Variants in PIK3CA observed in about 807,000 individuals in gnomAD.
The protein encoded by PIK3CA is phosphatidylinositol 4,5-bisphosphate 3-kinase catalytic subunit alpha isoform.
Under a neutral mutation model 138.2 loss-of-function variants are expected in PIK3CA, and 27 were observed. The ratio of observed to expected loss-of-function variants is 0.20; its 90% CI spans 0.14 to 0.27. PIK3CA has a LOEUF of 0.27. PIK3CA is among the 10% of genes least tolerant of loss of function. PIK3CA has a pLI of 1.00. For missense variants in PIK3CA, 544 were observed against 1,277.4 expected, an observed-to-expected ratio of 0.43 and a Z score of 8.75; for synonymous variants, 358 against 413.2, an observed-to-expected ratio of 0.87 and a Z score of 1.62.
intron 1 of PIK3CA, among the ~76,000 whole-genome samples, chr3:179,156,030 G>A (rs573468110): frequency 2.4e-4 from 36 of 152,238 alleles, no homozygotes; most frequent in African/African-American, 8.4e-4. Context: ...GTTAAAGCCT[G>A]TTTTTTTATT....
chr3:179,235,807 TTTATTAAA>T lies in PIK3CA; in HGVS notation c.*1445_*1452del, dbSNP rs1725322639. ...AAGTAGTCAGAGCTCACTCTCCAAC[TTTATTAAA>T]TACTATTTGAGCACAGGACACATTC... On this transcript the variant is annotated 3_prime_UTR_variant, in exon 21 of 21. Coordinates refer to ENST00000263967, the MANE Select transcript of PIK3CA (RefSeq NM_006218.4). 4.7e-6 allele frequency: 1 copy of T among 213,468 alleles called. No homozygotes were observed. 13.2% of individuals were successfully genotyped at this position (213,468 alleles called of 1,614,324 possible). A position where few individuals can be genotyped will look rare whatever the true frequency, so the allele number is the denominator to read the frequency against.
In PIK3CA at chr3:179,220,666, G is replaced by T. The variant is rs1225052217; in HGVS notation, c.2016-320G>T. 6.6e-6 allele frequency among the ~76,000 whole-genome samples: 1 copy of T among 152,052 alleles called. No individual in the cohort carries two copies. The highest frequency in any genetic ancestry group is 1.9e-4 in the East Asian group (1 of 5,198). On this transcript the variant is annotated intron_variant, in intron 13 of 20. Coordinates refer to ENST00000263967, the MANE Select transcript of PIK3CA (RefSeq NM_006218.4). The surrounding 1 kb of genome is among the most constrained non-coding windows in gnomAD (Gnocchi z 4.1). The stretch of plus-strand genomic sequence containing the variant: ...TCAAACAGCATTCACTGAGCGCTTT[G>T]TTCCCTCCCTCTTCATTTGATTATT...
chr3:179,178,120 T>G (rs904257338), intron 1 of PIK3CA, among the ~76,000 whole-genome samples: 7 of 50,552 alleles, frequency 1.4e-4, no homozygotes, highest in Admixed American at 3.7e-4. Flanking sequence ...TTTTTTTGTG[T>G]TTTTTTTTTT....
chr3:179,203,867 G>C (rs1576934860), intron 5 of PIK3CA, 78 bp downstream of exon 5: 2 of 1,001,712 alleles, frequency 2.0e-6, no homozygotes, highest in Admixed American at 4.7e-5. Context: ...ACAGTAATCT[G>C]TTGACCTGTA....
At position 179,220,350 on chromosome 3, in the gene PIK3CA, G is replaced by A. The variant is rs1229697401; in HGVS notation, c.2015+298G>A. Among the ~76,000 whole-genome samples, 1 of 152,060 alleles carries A rather than the reference G, an allele frequency of 6.6e-6. No individual in the cohort carries two copies. The highest frequency in any genetic ancestry group is 1.5e-5 in the Non-Finnish European group (1 of 67,984). ...GATGAATATTGCTGTAGGTTTCACT[G>A]TGTGTATGGATTACAATATCCCCAA... On this transcript the variant is annotated intron_variant, in intron 13 of 20. Coordinates refer to ENST00000263967, the MANE Select transcript of PIK3CA (RefSeq NM_006218.4). This position sits in a 1 kb window ranked among gnomAD's most constrained non-coding sequence, Gnocchi z 4.1.
intron 14 of PIK3CA, among the ~76,000 whole-genome samples, 193 bp from the exon 15 acceptor site, chr3:179,223,888 G>C (rs1157537665): frequency 1.3e-5 from 2 of 152,194 alleles, no homozygotes; most frequent in Non-Finnish European, 2.9e-5. Context: ...ACACAGTGCT[G>C]CCAGTCTTGC....
At chr3:179,166,235 G>T (rs1723416444) in intron 1 of PIK3CA, among the ~76,000 whole-genome samples, 1 of 152,166 alleles carries the variant, frequency 6.6e-6, no homozygotes, top group Non-Finnish European at 1.5e-5. Flanking sequence ...CAGCTTGTAA[G>T]CGTAGGCTCA....
chr3:179,161,404 A>G (rs964367938), intron 1 of PIK3CA, among the ~76,000 whole-genome samples: 2 of 152,196 alleles, frequency 1.3e-5, no homozygotes, highest in African/African-American at 2.4e-5. Flanking sequence ...AGAAACATAA[A>G]TAACAGGAAG....
intron 1 of PIK3CA, among the ~76,000 whole-genome samples, chr3:179,153,825 TG>T (rs11302696): frequency 0.93 from 142,246 of 152,276 alleles, 66,594 homozygotes; most frequent in East Asian, 1. Context: ...AAACTGTGGA[TG>T]GGGGAAACTG....
At chr3:179,180,093 T>C (rs1378728923) in intron 1 of PIK3CA, among the ~76,000 whole-genome samples, 1 of 152,094 alleles carries the variant, frequency 6.6e-6, no homozygotes, top group East Asian at 1.9e-4. Flanking sequence ...TATTGCATAG[T>C]TACTAGAGAT....
Position 179,235,479 on chromosome 3 carries a change from A to G in PIK3CA, c.*1115A>G, listed in dbSNP as rs1725316265. The G allele has an allele frequency of 5.2e-6, 1 of 190,692 alleles. No individual in the cohort carries two copies. The highest frequency in any genetic ancestry group is 8.3e-5 in the East Asian group (1 of 12,036). 11.8% of individuals were successfully genotyped at this position (190,692 alleles called of 1,614,324 possible). ...CACTATCCCATTTATACCAATAACC[A>G]GTGTATAACTACTTAAGGAAAACAT... On this transcript the variant is annotated 3_prime_UTR_variant, in exon 21 of 21. Coordinates refer to ENST00000263967, the MANE Select transcript of PIK3CA (RefSeq NM_006218.4).
At chr3:179,202,405 G>A (rs1224502827) in intron 4 of PIK3CA, among the ~76,000 whole-genome samples, 1 of 152,144 alleles carries the variant, frequency 6.6e-6, no homozygotes, top group Non-Finnish European at 1.5e-5. Flanking sequence ...ACCAGTGGCT[G>A]TGGAATGGAA....
intron 1 of PIK3CA, among the ~76,000 whole-genome samples, chr3:179,152,195 G>A (rs1021941230): frequency 2.0e-5 from 3 of 152,096 alleles, no homozygotes; most frequent in Admixed American, 6.5e-5. Context: ...AATTTCATTT[G>A]GGGACAGTTG....
chr3:179,222,002 C>T (rs1401302151), intron 14 of PIK3CA, among the ~76,000 whole-genome samples: 2 of 152,004 alleles, frequency 1.3e-5, no homozygotes, highest in African/African-American at 2.4e-5. Flanking sequence ...GCCACTGTGC[C>T]TAGCCCAATG....
chr3:179,235,040 G>A lies in PIK3CA; in HGVS notation c.*676G>A, dbSNP rs1385692712. 2 of 202,634 alleles carry A rather than the reference G, an allele frequency of 9.9e-6. No homozygotes were observed. Among genetic ancestry groups the A allele is most frequent in the Non-Finnish European group, 2.0e-5 (2 of 99,512 alleles). 12.6% of individuals were successfully genotyped at this position (202,634 alleles called of 1,614,324 possible). A position where few individuals can be genotyped will look rare whatever the true frequency, so the allele number is the denominator to read the frequency against. On this transcript the variant is annotated 3_prime_UTR_variant, in exon 21 of 21. Coordinates refer to ENST00000263967, the MANE Select transcript of PIK3CA (RefSeq NM_006218.4). ...CAGTCACAAATGAGACCTGTTATAA[G>A]GTGGTATTTTTTTTTTTCTTCTGGA...
At chr3:179,226,999 T>C (rs1179879577) in intron 17 of PIK3CA, among the ~76,000 whole-genome samples, 1 of 152,048 alleles carries the variant, frequency 6.6e-6, no homozygotes, top group African/African-American at 2.4e-5. Context: ...CCCAAAGGAA[T>C]AGACTGTAAA....
intron 1 of PIK3CA, among the ~76,000 whole-genome samples, chr3:179,165,198 A>G (rs1723387458): frequency 6.6e-6 from 1 of 152,156 alleles, no homozygotes; most frequent in Non-Finnish European, 1.5e-5. Flanking sequence ...CACTGCTTTC[A>G]CACTGCTATT....
chr3:179,170,066 ACGCGCGCGCG>A (rs574634103), intron 1 of PIK3CA, among the ~76,000 whole-genome samples: 16 of 107,504 alleles, frequency 1.5e-4, no homozygotes, highest in South Asian at 8.5e-4. Context: ...GCGCGTGCAC[ACGCGCGCGCG>A]CACACACACA....
chr3:179,167,439 C>G (rs1438656491), intron 1 of PIK3CA, among the ~76,000 whole-genome samples: 2 of 152,038 alleles, frequency 1.3e-5, no homozygotes, highest in African/African-American at 4.8e-5. Context: ...CAGTAATATT[C>G]CTGATTCCTC....
Sources: allele counts gnomAD v4.1 joint callset (sites outside exome capture counted in the v4.1 genomes callset), GRCh38; gene constraint gnomAD v4.1.1; non-coding constraint Gnocchi (gnomAD v3.1); transcripts MANE v1.5; gene names NCBI Gene and HGNC (gene_info 2026-07-23, HGNC 2026-07-21).